XIRP2: variants seen among roughly 807,000 people sequenced by gnomAD.
XIRP2 encodes xin actin-binding repeat-containing protein 2.
In XIRP2, 236 loss-of-function variants were observed where a neutral mutation model predicts 277.0. The ratio of observed to expected loss-of-function variants is 0.85; its 90% confidence interval spans 0.77 to 0.95. The LOEUF is 0.95. Among genes scored for constraint, XIRP2 ranks in the 40% least tolerant of loss-of-function variants. The pLI, the probability that XIRP2 is intolerant of heterozygous loss-of-function variation, is 0.00. For missense variants in XIRP2, 4,640 were observed against 4,157.5 expected (o/e 1.12, Z -3.19); for synonymous variants, 1,490 against 1,416.5 (o/e 1.05, Z -1.17).
At chr2:167,033,451 A>C (rs757515644) in intron 2 of XIRP2, among the ~76,000 whole-genome samples, 1 of 152,160 alleles carries the variant, frequency 6.6e-6, no homozygotes, top group Non-Finnish European at 1.5e-5. Context: ...TTTTTTTAAA[A>C]GTTTATTCAA....
chr2:167,093,255 T>G (rs1395494329), intron 2 of XIRP2, among the ~76,000 whole-genome samples: 1 of 151,036 alleles, frequency 6.6e-6, no homozygotes, highest in Non-Finnish European at 1.5e-5. Flanking sequence ...ATTAGTATAA[T>G]TATCAAGTGT....
chr2:166,972,346 G>T (rs1432957580), intron 2 of XIRP2, among the ~76,000 whole-genome samples: 2 of 152,042 alleles, frequency 1.3e-5, no homozygotes, highest in Non-Finnish European at 2.9e-5. Context: ...GTATGTAATG[G>T]CATATCAGAT....
chr2:166,970,790 A>T (rs1438649370), intron 2 of XIRP2, among the ~76,000 whole-genome samples: 1 of 151,994 alleles, frequency 6.6e-6, no homozygotes, highest in Non-Finnish European at 1.5e-5. Flanking sequence ...TTTTCCTTTG[A>T]TATCTTGTAA....
intron 3 of XIRP2, among the ~76,000 whole-genome samples, chr2:167,171,304 AATTTT>A (rs1367331721): frequency 1.3e-5 from 2 of 152,054 alleles, no homozygotes; most frequent in African/African-American, 4.8e-5. Flanking sequence ...ATTCACTTAA[AATTTT>A]ATTTTAATTG....
Position 167,182,016 on chromosome 2 carries a change from A to G in XIRP2, c.563-28719A>G, listed in dbSNP as rs547564492. ...TATCACGGTCGCTCTACTTAACACT[A>G]TGAGATATGATTTAAATATGAGTCA... On this transcript the variant is annotated intron_variant, in intron 3 of 10. Coordinates refer to ENST00000409195, the MANE Select transcript of XIRP2 (RefSeq NM_152381.6). Among the ~76,000 whole-genome samples the G allele has an allele frequency of 2.6e-5, 4 of 152,284 alleles. No homozygotes were observed. The South Asian group carries it at 8.3e-4, about 32-fold the overall frequency.
intron 2 of XIRP2, among the ~76,000 whole-genome samples, chr2:166,927,168 A>G (rs1298095583): frequency 1.3e-5 from 2 of 152,260 alleles, no homozygotes; most frequent in East Asian, 1.9e-4. Context: ...ACAATTAACA[A>G]TTAAAGAAAT....
Position 167,069,107 on chromosome 2 carries a change from T to G in XIRP2, c.409-66802T>G, listed in dbSNP as rs536239928. Among the ~76,000 whole-genome samples the G allele has an allele frequency of 4.6e-5, 7 of 152,274 alleles. No individual in the cohort carries two copies. The South Asian group carries it at 1.4e-3, about 32-fold the overall frequency. On this transcript the variant is annotated intron_variant, in intron 2 of 10. Coordinates refer to ENST00000409195, the MANE Select transcript of XIRP2 (RefSeq NM_152381.6). ...CGGTGTAGTCTTTGCATATAACCTA[T>G]GTACATCCTTCTGTATACTTTAAAT...
chr2:167,153,000 A>C (rs1007818788), intron 3 of XIRP2, among the ~76,000 whole-genome samples: 1 of 152,106 alleles, frequency 6.6e-6, no homozygotes. Context: ...GTGTATCTAC[A>C]TGATTATTTT....
rs185601806 is a variant in XIRP2, at chr2:167,236,305, A to T, written c.859-3550A>T. Among the ~76,000 whole-genome samples the T allele has an allele frequency of 1.3e-4, 20 of 152,092 alleles. No homozygotes were observed. In the East Asian group the frequency reaches 2.5e-3, roughly 19 times the overall value. On this transcript the variant is annotated intron_variant, in intron 5 of 10. Coordinates refer to ENST00000409195, the MANE Select transcript of XIRP2 (RefSeq NM_152381.6). ...CTCATTGCACTAGAATGAGTTTGCA[A>T]TTTTATTGGGAAATTTACAATGTCT... is the stretch of plus-strand genomic sequence containing the variant.
At chr2:167,013,249 G>A (rs936993340) in intron 2 of XIRP2, among the ~76,000 whole-genome samples, 2 of 151,144 alleles carry the variant, frequency 1.3e-5, no homozygotes, top group Admixed American at 6.6e-5. Context: ...GCTCCTTGAT[G>A]TTCTTCCCCA....
At chr2:166,997,867 A>T (rs1687264886) in intron 2 of XIRP2, among the ~76,000 whole-genome samples, 1 of 150,868 alleles carries the variant, frequency 6.6e-6, no homozygotes, top group Non-Finnish European at 1.5e-5. Flanking sequence ...ATTGTGTGCC[A>T]CTCCACTCCA....
chr2:167,141,001 C>T (rs1228113701), intron 3 of XIRP2: 4 of 152,102 alleles, frequency 2.6e-5, no homozygotes, highest in Non-Finnish European at 5.9e-5. Context: ...AGGTCGTTCA[C>T]GTGGTAACTA....
chr2:167,209,835 G>A (rs1693971500), intron 3 of XIRP2, among the ~76,000 whole-genome samples: 1 of 151,994 alleles, frequency 6.6e-6, no homozygotes, highest in African/African-American at 2.4e-5. Context: ...GGGTCCTTAT[G>A]TTCCTTTCAC....
chr2:167,243,284 CTTA>C lies in XIRP2; in HGVS notation c.1895_1897del (p.Tyr632del). On this transcript the variant is annotated inframe_deletion, in exon 9 of 11. Transcript: ENST00000409195. ...ACCCAACCCATCGACACACTTGGGGCTTATTCTTCTGACACTGTAGAAAATGCA... is the reference window on the plus strand; with the variant it reads ...ACCCAACCCATCGACACACTTGGGGCTTCTTCTGACACTGTAGAAAATGCA... 6.2e-7 allele frequency: 1 copy of C among 1,613,664 alleles called. No individual in the cohort carries two copies. Among genetic ancestry groups the C allele is most frequent in the Non-Finnish European group, 8.5e-7 (1 of 1,179,792 alleles).
intron 2 of XIRP2, among the ~76,000 whole-genome samples, chr2:166,971,288 C>T (rs753479314): frequency 6.6e-5 from 10 of 151,914 alleles, no homozygotes; most frequent in Non-Finnish European, 1.3e-4. Flanking sequence ...AATACAGTGC[C>T]TTATTCATTG....
chr2:167,252,108 G>C (rs990487737), intron 9 of XIRP2, among the ~76,000 whole-genome samples, 161 bp downstream of exon 9: 2 of 151,914 alleles, frequency 1.3e-5, no homozygotes, highest in African/African-American at 4.8e-5. Flanking sequence ...TTATATGCTT[G>C]CTTTTACAAC....
intron 2 of XIRP2, among the ~76,000 whole-genome samples, chr2:167,078,691 CA>C (rs1356542689): frequency 6.6e-6 from 1 of 151,912 alleles, no homozygotes; most frequent in Non-Finnish European, 1.5e-5. Context: ...AAAAAATTAG[CA>C]AGGGCATGGT....
At chr2:166,963,183 TAAAA>T (rs907146877) in intron 2 of XIRP2, among the ~76,000 whole-genome samples, 1 of 151,578 alleles carries the variant, frequency 6.6e-6, no homozygotes, top group African/African-American at 2.4e-5. Context: ...AAAATAAAAA[TAAAA>T]AAACAAAAAT....
At chr2:167,153,863 A>G (rs1692099180) in intron 3 of XIRP2, among the ~76,000 whole-genome samples, 1 of 151,030 alleles carries the variant, frequency 6.6e-6, no homozygotes, top group African/African-American at 2.5e-5. Context: ...GTGCCGCAAT[A>G]AACATACATG....
Sources: gnomAD v4.1 joint callset for allele counts (sites outside exome capture counted in the v4.1 genomes callset) on GRCh38, gnomAD v4.1.1 for gene constraint, MANE v1.5 for transcripts, NCBI Gene and HGNC (gene_info 2026-07-23, HGNC 2026-07-21) for gene names.